Variants in AVL9 observed in about 807,000 individuals in gnomAD.
The protein encoded by AVL9 is late secretory pathway protein AVL9 homolog.
AVL9 carries 49 observed loss-of-function variants against 79.2 expected under a neutral mutation model. That is an observed-to-expected ratio of 0.62 (90% CI 0.49 to 0.79). AVL9 has a LOEUF of 0.79. Among genes scored for constraint, AVL9 ranks in the 30% least tolerant of loss-of-function variants. The pLI is 0.00. For synonymous variants in AVL9, 299 were observed against 280.6 expected (o/e 1.07, Z -0.65); for missense variants, 682 against 776.8 (o/e 0.88, Z 1.45).
intron 8 of AVL9, 62 bp from the exon 9 acceptor site, chr7:32,558,497 T>C: frequency 7.9e-7 from 1 of 1,271,026 alleles, no homozygotes; most frequent in Non-Finnish European, 1.1e-6. Flanking sequence ...TCTTTTTTAT[T>C]TGTTATCATT....
chr7:32,519,288 C>T (rs1442446610), intron 1 of AVL9, among the ~76,000 whole-genome samples: 6 of 151,968 alleles, frequency 3.9e-5, no homozygotes, highest in African/African-American at 1.5e-4. Flanking sequence ...ATTAGCTGGG[C>T]GTGGTGGCAG....
chr7:32,497,336 C>T (rs550589882), intron 1 of AVL9, among the ~76,000 whole-genome samples: 1 of 152,050 alleles, frequency 6.6e-6, no homozygotes, highest in South Asian at 2.1e-4. Context: ...GCCTGGGCAA[C>T]AAGAGCGAAA....
chr7:32,574,722 T>TAAA (rs6150061), intron 12 of AVL9, among the ~76,000 whole-genome samples: 1 of 151,912 alleles, frequency 6.6e-6, no homozygotes, highest in East Asian at 1.9e-4. Flanking sequence ...TCACAGAGGT[T>TAAA]CATAAGAGGC....
rs1442348089 is a variant in AVL9, at chr7:32,584,320, T to C, written c.*413T>C. 1 of 178,582 alleles carries C rather than the reference T, an allele frequency of 5.6e-6. No individual in the cohort carries two copies. Among genetic ancestry groups the C allele is most frequent in the Admixed American group, 5.6e-5 (1 of 17,850 alleles). 11.1% of individuals were successfully genotyped at this position (178,582 alleles called of 1,614,324 possible). A position where few individuals can be genotyped will look rare whatever the true frequency, so the allele number is the denominator to read the frequency against. ...ATTTATATTACCATTTTCTCTAAAGTTGGCCTTAAAACGTGCTTATAAAGT... is the reference window on the plus strand; with the variant it reads ...ATTTATATTACCATTTTCTCTAAAGCTGGCCTTAAAACGTGCTTATAAAGT... On this transcript the variant is annotated 3_prime_UTR_variant, in exon 16 of 16. Transcript: ENST00000318709.
At chr7:32,544,999 T>G (rs1789411172) in intron 3 of AVL9, among the ~76,000 whole-genome samples, 1 of 152,240 alleles carries the variant, frequency 6.6e-6, no homozygotes, top group Non-Finnish European at 1.5e-5. Flanking sequence ...TTTTGTACAT[T>G]GCTTTTAGAT....
intron 1 of AVL9, among the ~76,000 whole-genome samples, chr7:32,529,652 GT>G (rs1477452896): frequency 6.6e-6 from 1 of 152,184 alleles, no homozygotes; most frequent in Admixed American, 6.5e-5. Flanking sequence ...TGCTTATTCA[GT>G]TTCAAAGGCC....
chr7:32,511,237 T>C (rs572247948), intron 1 of AVL9, among the ~76,000 whole-genome samples: 3 of 130,570 alleles, frequency 2.3e-5, no homozygotes, highest in South Asian at 2.3e-4. Context: ...TCAAGTCTCT[T>C]TGGGAGAATC....
chr7:32,579,568 AT>A lies in AVL9; in HGVS notation c.1689-649del, dbSNP rs1215659456. Among the ~76,000 whole-genome samples, 18 of 5,390 alleles carry A rather than the reference AT, an allele frequency of 3.3e-3. 4 individuals are homozygous for A. The highest frequency in any genetic ancestry group is 0.011 in the African/African-American group (14 of 1,296). The allele number at this position is 5,390 out of a possible 152,430, so 3.5% of individuals were successfully genotyped here. A position where few individuals can be genotyped will look rare whatever the true frequency, so the allele number is the denominator to read the frequency against. On this transcript the variant is annotated intron_variant, in intron 13 of 15. Coordinates refer to ENST00000318709, the MANE Select transcript of AVL9 (RefSeq NM_015060.3). ...TTATATATTATATATTATATTATAT[AT>A]TATATTATATATTATATATTATATA...
In AVL9 at chr7:32,544,918, G is replaced by C. The variant is rs1789405771; in HGVS notation, c.300+139G>C. ...ACAATTTGTAGCTGTTTTTTCAATA[G>C]TGCCAGTTTATTCACAGAAACATTT... On this transcript the variant is annotated intron_variant, in intron 3 of 15. Transcript: ENST00000318709. 26 of 607,906 alleles carry C rather than the reference G, an allele frequency of 4.3e-5. No individual in the cohort carries two copies. In the South Asian group the frequency reaches 5.8e-4, roughly 14 times the overall value. 37.7% of individuals were successfully genotyped at this position (607,906 alleles called of 1,614,324 possible). A position where few individuals can be genotyped will look rare whatever the true frequency, so the allele number is the denominator to read the frequency against.
At chr7:32,503,369 T>TACACACACACACACAC (rs1237567459) in intron 1 of AVL9, among the ~76,000 whole-genome samples, 60 of 101,326 alleles carry the variant, frequency 5.9e-4, no homozygotes, top group Non-Finnish European at 6.1e-4. Flanking sequence ...GAGATATATA[T>TACACACACACACACAC]ATATACACAC....
At chr7:32,531,670 A>C (rs913108246) in intron 1 of AVL9, 4 of 152,166 alleles carry the variant, frequency 2.6e-5, no homozygotes, top group Non-Finnish European at 5.9e-5. Context: ...ACTGGAGCTG[A>C]CTGGCTGCTT....
At chr7:32,517,040 T>G (rs1234793840) in intron 1 of AVL9, among the ~76,000 whole-genome samples, 1 of 152,216 alleles carries the variant, frequency 6.6e-6, no homozygotes, top group Non-Finnish European at 1.5e-5. Context: ...ATCCACTGTT[T>G]GTATTCAACC....
At chr7:32,496,006 C>T (rs1351504720) in intron 1 of AVL9, among the ~76,000 whole-genome samples, 1 of 150,908 alleles carries the variant, frequency 6.6e-6, no homozygotes. Flanking sequence ...CTTCCTTCTG[C>T]CCCTGAAAAA....
chr7:32,582,693 CT>C (rs1256287005), intron 15 of AVL9, among the ~76,000 whole-genome samples: 2 of 151,942 alleles, frequency 1.3e-5, no homozygotes, highest in Non-Finnish European at 2.9e-5. Flanking sequence ...TTAGCATCAC[CT>C]TTTTTTCCTG....
chr7:32,581,141 G>C (rs1212072564), intron 15 of AVL9: 1 of 449,194 alleles, frequency 2.2e-6, no homozygotes, highest in Non-Finnish European at 4.0e-6. Context: ...GATTCAAGCT[G>C]CACCAGAGTT....
intron 10 of AVL9, among the ~76,000 whole-genome samples, chr7:32,568,956 T>C (rs1333675371): frequency 2.6e-5 from 4 of 152,150 alleles, no homozygotes; most frequent in Non-Finnish European, 4.4e-5. Flanking sequence ...TATAACCAAA[T>C]TACCAGACAT....
rs34778959 is a variant in AVL9, at chr7:32,583,865, C to A, written c.1905C>A (p.Ser635=). The part of the protein sequence containing the change: ...MSSWLSTFTT[S]TSQSLTEPPD... ...CATGGCTTTCCACTTTCACCACTTC[C>A]ACCTCCCAAAGTCTCACTGAGCCAC... The change falls in exon 16 of 16, where the codon TCC becomes TCA. Residue 635 remains serine (S), a synonymous_variant. Coordinates refer to ENST00000318709, the MANE Select transcript of AVL9 (RefSeq NM_015060.3). 4.3e-6 allele frequency: 7 copies of A among 1,613,826 alleles called. No homozygotes were observed. The highest frequency in any genetic ancestry group is 1.3e-5 in the African/African-American group (1 of 74,902).
At chr7:32,515,454 T>A (rs189348023) in intron 1 of AVL9, among the ~76,000 whole-genome samples, 1 of 152,340 alleles carries the variant, frequency 6.6e-6, no homozygotes, top group East Asian at 1.9e-4. Context: ...ATCCAAAGTG[T>A]ATTTTGCTGT....
At position 32,587,981 on chromosome 7, in the gene AVL9, G is replaced by A. The variant is rs1791869665; in HGVS notation, c.*4074G>A. The stretch of plus-strand genomic sequence containing the variant: ...ATGGTAACTCCAAAGTTAAAAAATT[G>A]TGCATGTCTGAGGGGTTGAATATAT... On this transcript the variant is annotated 3_prime_UTR_variant, in exon 16 of 16. Transcript: ENST00000318709. 1 of 152,150 alleles carries A rather than the reference G, an allele frequency of 6.6e-6. No individual in the cohort carries two copies. Among genetic ancestry groups the A allele is most frequent in the South Asian group, 2.1e-4 (1 of 4,826 alleles). 9.4% of individuals were successfully genotyped at this position (152,150 alleles called of 1,614,324 possible).
Sources: allele counts gnomAD v4.1 joint callset (sites outside exome capture counted in the v4.1 genomes callset), GRCh38; gene constraint gnomAD v4.1.1; transcripts MANE v1.5; gene names NCBI Gene and HGNC (gene_info 2026-07-23, HGNC 2026-07-21).